The following SEZ6L variants were observed in gnomAD, a reference collection of about 807,000 sequenced individuals.
SEZ6L encodes seizure 6-like protein.
A neutral mutation model predicts 106.2 loss-of-function variants in SEZ6L; 37 were observed. The ratio of observed to expected loss-of-function variants is 0.35; its 90% CI spans 0.27 to 0.46. The LOEUF (loss-of-function observed/expected upper bound fraction) is 0.46, where lower values mean the gene tolerates loss of function less well. Ranked by LOEUF, SEZ6L falls within the 20% of genes least tolerant of loss-of-function variation. The probability of loss-of-function intolerance (pLI) is 1.00; values close to 1 mark genes in which losing one functional copy is unlikely to be tolerated. For missense variants in SEZ6L, 1,172 were observed against 1,332.8 expected (o/e 0.88, Z 1.88); for synonymous variants, 541 against 570.4 (o/e 0.95, Z 0.73).
chr22:26,199,572 C>T (rs9613126), intron 1 of SEZ6L, among the ~76,000 whole-genome samples: 11,473 of 152,162 alleles, frequency 0.075, 445 homozygotes, highest in Admixed American at 0.11. Flanking sequence ...AATTGATTCT[C>T]TCATATGTGA....
chr22:26,187,344 C>A (rs73417507), intron 1 of SEZ6L, among the ~76,000 whole-genome samples: 1 of 152,214 alleles, frequency 6.6e-6, no homozygotes, highest in South Asian at 2.1e-4. Flanking sequence ...CTAATCACCT[C>A]CCACGAGATC....
intron 1 of SEZ6L, among the ~76,000 whole-genome samples, chr22:26,266,113 G>A (rs549848389): frequency 6.6e-6 from 1 of 152,194 alleles, no homozygotes; most frequent in Non-Finnish European, 1.5e-5. Flanking sequence ...GTGCACACGG[G>A]TGTGTGTGGA....
chr22:26,278,972 G>A (rs1165092436), intron 1 of SEZ6L, among the ~76,000 whole-genome samples: 1 of 114,602 alleles, frequency 8.7e-6, no homozygotes, highest in African/African-American at 3.9e-5. Flanking sequence ...GAGAGAGGAA[G>A]GGAGGGAGGG....
intron 1 of SEZ6L, among the ~76,000 whole-genome samples, chr22:26,284,939 C>A (rs1471809027): frequency 6.6e-6 from 1 of 151,526 alleles, no homozygotes; most frequent in East Asian, 1.9e-4. Flanking sequence ...ATGGGAAAAA[C>A]AAAATGTCAA....
At chr22:26,233,957 T>A (rs1381753345) in intron 1 of SEZ6L, among the ~76,000 whole-genome samples, 1 of 152,142 alleles carries the variant, frequency 6.6e-6, no homozygotes, top group Non-Finnish European at 1.5e-5. Flanking sequence ...GGCTCACCCA[T>A]CCTGGCTGGG....
At chr22:26,229,859 C>G (rs1330851529) in intron 1 of SEZ6L, among the ~76,000 whole-genome samples, 1 of 152,194 alleles carries the variant, frequency 6.6e-6, no homozygotes, top group African/African-American at 2.4e-5. Flanking sequence ...CAGGTGTTAA[C>G]AAATGCCCCC....
intron 9 of SEZ6L, among the ~76,000 whole-genome samples, chr22:26,334,425 C>T (rs571591517): frequency 6.6e-6 from 1 of 152,274 alleles, no homozygotes; most frequent in Non-Finnish European, 1.5e-5. Context: ...GTCATGTTTC[C>T]GAGGTTCACC....
intron 9 of SEZ6L, among the ~76,000 whole-genome samples, chr22:26,339,029 G>C (rs1042765249): frequency 6.6e-6 from 1 of 151,676 alleles, no homozygotes; most frequent in Non-Finnish European, 1.5e-5. Flanking sequence ...TATCTGCCTC[G>C]AGGTCTCCTA....
chr22:26,348,560 AGGG>A lies in SEZ6L; in HGVS notation c.2407+648_2407+650del, dbSNP rs756400903. ...AAGGAAGGAAGGAAGGAAGGAAGGA[AGGG>A]AGGAAAGAAAGAAAGAAAGAAAGAG... On this transcript the variant is annotated intron_variant, in intron 11 of 16. Coordinates refer to ENST00000248933, the MANE Select transcript of SEZ6L (RefSeq NM_021115.5). 1.8e-3 allele frequency among the ~76,000 whole-genome samples: 112 copies of A among 61,354 alleles called. 1 individual carries two copies. The highest frequency in any genetic ancestry group is 6.4e-3 in the South Asian group (10 of 1,568). 40.3% of individuals were successfully genotyped at this position (61,354 alleles called of 152,430 possible).
chr22:26,374,822 A>G (rs569078639), intron 14 of SEZ6L, among the ~76,000 whole-genome samples: 1 of 152,334 alleles, frequency 6.6e-6, no homozygotes, highest in East Asian at 1.9e-4. Flanking sequence ...AGGCGCCTGC[A>G]GCAGCTGTTA....
chr22:26,317,218 C>G (rs1193299324), intron 9 of SEZ6L, among the ~76,000 whole-genome samples: 1 of 152,102 alleles, frequency 6.6e-6, no homozygotes, highest in African/African-American at 2.4e-5. Flanking sequence ...TTTAGGAAGC[C>G]TTCTGTGTCG....
chr22:26,376,550 T>C (rs920383752), intron 15 of SEZ6L, among the ~76,000 whole-genome samples: 2 of 152,072 alleles, frequency 1.3e-5, no homozygotes, highest in African/African-American at 2.4e-5. Flanking sequence ...GAGACTAGCC[T>C]GGCCAACGTG....
chr22:26,306,258 AGAAGAGCTGGGGTG>A, intron 6 of SEZ6L, 114 bp downstream of exon 6: 1 of 1,218,418 alleles, frequency 8.2e-7, no homozygotes. Flanking sequence ...ATTCAAGAAA[AGAAGAGCTGGGGTG>A]GATGGCAAAG....
At chr22:26,174,418 CA>C (rs35766081) in intron 1 of SEZ6L, among the ~76,000 whole-genome samples, 1 of 151,736 alleles carries the variant, frequency 6.6e-6, no homozygotes, top group South Asian at 2.1e-4. Flanking sequence ...TGCTCACGCT[CA>C]AAAAAAAGAT....
Position 26,292,472 on chromosome 22 carries a change from G to C in SEZ6L, c.161G>C (p.Arg54Thr), listed in dbSNP as rs201583563. The change falls in exon 2 of 17, where the codon AGA (arginine) becomes ACA (threonine). Residue 54 changes from arginine to threonine, a missense_variant. Physicochemically the swap from Arg to Thr is moderately conservative, Grantham distance 71 (BLOSUM62 -1). Around this residue, in one of 4 missense-constraint regions of SEZ6L, gnomAD observed 494 missense variants for 445.8 expected, o/e 1.11. Coordinates refer to ENST00000248933, the MANE Select transcript of SEZ6L (RefSeq NM_021115.5). ...PYLLPSGAPE[R>T]GSPGKEHPEE... ...CTCCTGCCCTCAGGAGCCCCGGAGA[G>C]AGGCAGTCCTGGCAAAGAGCACCCT... 9.8e-4 allele frequency: 1,587 copies of C among 1,613,980 alleles called. 26 individuals are homozygous for C. The South Asian group carries it at 0.016, about 16-fold the overall frequency.
intron 1 of SEZ6L, among the ~76,000 whole-genome samples, chr22:26,178,243 G>A (rs759922634): frequency 6.6e-6 from 1 of 152,164 alleles, no homozygotes; most frequent in Non-Finnish European, 1.5e-5. Flanking sequence ...AATCTTCAAG[G>A]CACCAGCAGA....
intron 1 of SEZ6L, among the ~76,000 whole-genome samples, chr22:26,234,203 A>G (rs2078887223): frequency 6.6e-6 from 1 of 152,118 alleles, no homozygotes; most frequent in Non-Finnish European, 1.5e-5. Context: ...CTGAAACATC[A>G]CGTTAGCTCC....
intron 1 of SEZ6L, among the ~76,000 whole-genome samples, chr22:26,241,077 G>A (rs1010277552): frequency 1.4e-4 from 21 of 152,132 alleles, no homozygotes; most frequent in Non-Finnish European, 2.2e-4. Flanking sequence ...GGCCCTGTTC[G>A]TTCATCATTT....
intron 1 of SEZ6L, among the ~76,000 whole-genome samples, chr22:26,278,354 C>T (rs570228340): frequency 7.1e-4 from 108 of 152,274 alleles, no homozygotes; most frequent in Admixed American, 6.5e-3. Context: ...TATTGCATAA[C>T]GATGAAGTTT....
Sources: allele counts gnomAD v4.1 joint callset (sites outside exome capture counted in the v4.1 genomes callset), GRCh38; gene constraint gnomAD v4.1.1; regional missense constraint gnomAD v4.1.1; transcripts MANE v1.5; gene names NCBI Gene and HGNC (gene_info 2026-07-23, HGNC 2026-07-21).